The following GALR1 variants were observed in gnomAD, a reference collection of about 807,000 sequenced individuals.
GALR1 encodes galanin receptor type 1.
A neutral mutation model predicts 17.9 loss-of-function variants in GALR1; 11 were observed. That is an observed-to-expected ratio of 0.62 (90% confidence interval 0.39 to 1.02). The LOEUF (loss-of-function observed/expected upper bound fraction) is 1.02. Ranked by LOEUF, GALR1 falls within the 50% of genes least tolerant of loss-of-function variation. GALR1 has a pLI of 0.01. For synonymous variants in GALR1, 206 were observed against 205.7 expected (o/e 1.00, Z -0.01); for missense variants, 441 against 456.9 (o/e 0.97, Z 0.32).
intron 1 of GALR1, 88 bp from the exon 2 acceptor site, chr18:77,256,069 AT>A (rs1228172501): frequency 1.4e-6 from 1 of 730,956 alleles, no homozygotes; most frequent in African/African-American, 1.8e-5. Flanking sequence ...TGATGTTACC[AT>A]TTCAGCATGT....
rs1568144820 is a variant in GALR1 at position 77,268,721 on chromosome 18, G to A, written c.869G>A (p.Cys290Tyr). ...ASFLFRITAHCLAYSNSSVNP... is the reference protein window; with the variant it reads ...ASFLFRITAHYLAYSNSSVNP... ...TTCCTCTTCAGAATCACCGCCCACT[G>A]CCTGGCGTACAGCAATTCCTCCGTG... The change falls in exon 3 of 3, where the codon TGC becomes TAC. Residue 290 changes from cysteine to tyrosine, a missense_variant. Physicochemically the swap from Cys to Tyr is radical, Grantham distance 194. Coordinates refer to ENST00000299727, the MANE Select transcript of GALR1 (RefSeq NM_001480.4). 6.2e-7 allele frequency: 1 copy of A among 1,614,144 alleles called. No individual in the cohort carries two copies. The highest frequency in any genetic ancestry group is 8.5e-7 in the Non-Finnish European group (1 of 1,180,026).
chr18:77,251,322 GC>G, intron 1 of GALR1, 108 bp downstream of exon 1: 7 of 1,456,120 alleles, frequency 4.8e-6, no homozygotes, highest in Non-Finnish European at 6.4e-6. Context: ...CGGCAGCCTG[GC>G]CCCGGTGGTC....
rs539400960 is a variant in GALR1 at position 77,274,008 on chromosome 18, T to G, written c.*5106T>G. On this transcript the variant is annotated 3_prime_UTR_variant, in exon 3 of 3. Coordinates refer to ENST00000299727, the MANE Select transcript of GALR1 (RefSeq NM_001480.4). ...GTGATCGTTATGGTAACCCATGAAC[T>G]CGGATGAATTTCGGGGCCTGCTGTG... 1 of 152,324 alleles carries G rather than the reference T, an allele frequency of 6.6e-6. No homozygotes were observed. The highest frequency in any genetic ancestry group is 1.5e-5 in the Non-Finnish European group (1 of 68,044). 9.4% of individuals were successfully genotyped at this position (152,324 alleles called of 1,614,324 possible).
rs1487307642 is a variant in GALR1 at position 77,273,626 on chromosome 18, ACT to A, written c.*4727_*4728del. The A allele has an allele frequency of 1.3e-5, 2 of 151,384 alleles. No individual in the cohort carries two copies. Among genetic ancestry groups the A allele is most frequent in the Non-Finnish European group, 2.9e-5 (2 of 67,890 alleles). 9.4% of individuals were successfully genotyped at this position (151,384 alleles called of 1,614,324 possible). On this transcript the variant is annotated 3_prime_UTR_variant, in exon 3 of 3. Transcript: ENST00000299727. Reference sequence around the variant, plus strand: ...CTCCAGCCTGGGCAACAAGAGTGAAACTCTGTCTCAAAAAAATAAAAATTAAA... The same window carrying A: ...CTCCAGCCTGGGCAACAAGAGTGAAACTGTCTCAAAAAAATAAAAATTAAA...
In GALR1 at chr18:77,268,819, C is replaced by A. The variant is rs753801878; in HGVS notation, c.967C>A (p.Arg323Ser). Reference protein sequence around the residue: ...AYKQVFKCHIRKDSHLSDTKE... With the variant: ...AYKQVFKCHISKDSHLSDTKE... ...TAAACAAGTGTTCAAGTGTCACATT[C>A]GCAAAGATTCACACCTGAGTGATAC... The change falls in exon 3 of 3, where the codon CGC becomes AGC. Residue 323 changes from arginine to serine, a missense_variant. Coordinates refer to ENST00000299727, the MANE Select transcript of GALR1 (RefSeq NM_001480.4). 1.2e-6 allele frequency: 2 copies of A among 1,613,718 alleles called. No homozygotes were observed. The highest frequency in any genetic ancestry group is 4.5e-5 in the East Asian group (2 of 44,886).
Position 77,276,458 on chromosome 18 carries a change from A to G in GALR1, c.*7556A>G, listed in dbSNP as rs1913159960. ...TGATGCTCTGGCCTTACCTTAGATC[A>G]GAGATTCTTATATTTTATCAAGCAT... On this transcript the variant is annotated 3_prime_UTR_variant, in exon 3 of 3. Coordinates refer to ENST00000299727, the MANE Select transcript of GALR1 (RefSeq NM_001480.4). 2 of 152,214 alleles carry G rather than the reference A, an allele frequency of 1.3e-5. No homozygotes were observed. The highest frequency in any genetic ancestry group is 4.8e-5 in the African/African-American group (2 of 41,458). The allele number at this position is 152,214 out of a possible 1,614,324, so 9.4% of individuals were successfully genotyped here. A position where few individuals can be genotyped will look rare whatever the true frequency, so the allele number is the denominator to read the frequency against.
At chr18:77,258,794 G>A (rs1269835908) in intron 2 of GALR1, among the ~76,000 whole-genome samples, 3 of 139,034 alleles carry the variant, frequency 2.2e-5, no homozygotes, top group Non-Finnish European at 3.1e-5. Context: ...GGTGGTGGTG[G>A]TGATGGTGGT....
chr18:77,260,096 C>T (rs116214540), intron 2 of GALR1, among the ~76,000 whole-genome samples: 136 of 152,224 alleles, frequency 8.9e-4, no homozygotes, highest in African/African-American at 3.2e-3. Flanking sequence ...GGTCTTAGTA[C>T]GTTCAGGCTG....
At chr18:77,251,660 C>A (rs1002395378) in intron 1 of GALR1, among the ~76,000 whole-genome samples, 6 of 152,142 alleles carry the variant, frequency 3.9e-5, no homozygotes, top group Non-Finnish European at 8.8e-5. Flanking sequence ...GCTGTGGGAC[C>A]TGAGGAGAGC....
chr18:77,260,286 G>C (rs1912801802), intron 2 of GALR1, among the ~76,000 whole-genome samples: 1 of 152,184 alleles, frequency 6.6e-6, no homozygotes, highest in Non-Finnish European at 1.5e-5. Context: ...GTGAAAGGCA[G>C]CTCTCTGCGC....
chr18:77,268,328 C>G (rs1912985815), intron 2 of GALR1, among the ~76,000 whole-genome samples: 1 of 152,090 alleles, frequency 6.6e-6, no homozygotes, highest in Admixed American at 6.6e-5. Context: ...TCACATATAT[C>G]ACAAAATTAT....
Position 77,268,986 on chromosome 18 carries a change from CT to C in GALR1, c.*85del, listed in dbSNP as rs1913006835. 4 of 994,062 alleles carry C rather than the reference CT, an allele frequency of 4.0e-6. No homozygotes were observed. The highest frequency in any genetic ancestry group is 6.1e-6 in the Non-Finnish European group (4 of 657,908). The allele number at this position is 994,062 out of a possible 1,614,324, so 61.6% of individuals were successfully genotyped here. A position where few individuals can be genotyped will look rare whatever the true frequency, so the allele number is the denominator to read the frequency against. On this transcript the variant is annotated 3_prime_UTR_variant, in exon 3 of 3. Transcript: ENST00000299727. ...AAACAGAATGAGCTAGTAAGCGATG[CT>C]GCAACTTGTTATCTTAACAAGAATT...
rs372600119 is a variant in GALR1 at position 77,250,164 on chromosome 18, T to C, written c.-385T>C. Among the ~76,000 whole-genome samples, 42 of 152,314 alleles carry C rather than the reference T, an allele frequency of 2.8e-4. No individual in the cohort carries two copies. The East Asian group carries it at 6.0e-3, about 22-fold the overall frequency. ...CCAGGGAAAACCGCCGGCGAAGATC[T>C]GGAGCGGTAAGGCGGAGAGAAGGGT... On this transcript the variant is annotated 5_prime_UTR_variant, in exon 1 of 3. Coordinates refer to ENST00000299727, the MANE Select transcript of GALR1 (RefSeq NM_001480.4).
intron 1 of GALR1, among the ~76,000 whole-genome samples, chr18:77,255,002 A>G (rs1912554178): frequency 1.3e-5 from 2 of 152,148 alleles, no homozygotes; most frequent in Non-Finnish European, 2.9e-5. Context: ...GTAAGGTGTG[A>G]CTAATTGCTC....
intron 1 of GALR1, among the ~76,000 whole-genome samples, chr18:77,252,780 G>T (rs549929020): frequency 6.6e-6 from 1 of 151,426 alleles, no homozygotes; most frequent in African/African-American, 2.4e-5. Flanking sequence ...CCCAAGTGAC[G>T]GAGGGTGCAG....
chr18:77,258,776 ATGG>A (rs374737158), intron 2 of GALR1, among the ~76,000 whole-genome samples: 5,780 of 92,662 alleles, frequency 0.062, 265 homozygotes, highest in Non-Finnish European at 0.089. Context: ...TGTGATAGTG[ATGG>A]TGGTGGTGGT....
At position 77,272,349 on chromosome 18, in the gene GALR1, C is replaced by T. The variant is rs1599367496; in HGVS notation, c.*3447C>T. The stretch of plus-strand genomic sequence containing the variant: ...TGTTAACTGAGACCCAAGATCTCAG[C>T]AGGAGAGGACAGCTTATCCAAGCAT... On this transcript the variant is annotated 3_prime_UTR_variant, in exon 3 of 3. Transcript: ENST00000299727. 1 of 152,356 alleles carries T rather than the reference C, an allele frequency of 6.6e-6. No homozygotes were observed. Among genetic ancestry groups the T allele is most frequent in the East Asian group, 1.9e-4 (1 of 5,186 alleles). The allele number at this position is 152,356 out of a possible 1,614,324, so 9.4% of individuals were successfully genotyped here.
chr18:77,251,757 G>T (rs964569019), intron 1 of GALR1, among the ~76,000 whole-genome samples: 4 of 152,178 alleles, frequency 2.6e-5, no homozygotes, highest in African/African-American at 9.6e-5. Flanking sequence ...CGTGGCGGGG[G>T]GGACTCGCGG....
chr18:77,267,968 T>A (rs1912979043), intron 2 of GALR1, among the ~76,000 whole-genome samples: 1 of 152,210 alleles, frequency 6.6e-6, no homozygotes, highest in Non-Finnish European at 1.5e-5. Context: ...AGACCCTGCC[T>A]CTGATTTCTA....
Sources: allele counts gnomAD v4.1 joint callset (sites outside exome capture counted in the v4.1 genomes callset), GRCh38; gene constraint gnomAD v4.1.1; transcripts MANE v1.5; gene names NCBI Gene and HGNC (gene_info 2026-07-23, HGNC 2026-07-21).